Variants in MRAP observed in about 807,000 individuals in gnomAD.
MRAP encodes melanocortin 2 receptor accessory protein.
In MRAP, 8 loss-of-function variants were observed where a neutral mutation model predicts 8.7. The observed-to-expected ratio is 0.92, with a 90% CI of 0.54 to 1.66. The LOEUF (loss-of-function observed/expected upper bound fraction) is 1.66, where lower values mean the gene tolerates loss of function less well. Among genes scored for constraint, MRAP ranks in the 40% most tolerant of loss-of-function variants. MRAP has a pLI of 0.00. For synonymous variants in MRAP, 95 were observed against 95.5 expected, an observed-to-expected ratio of 1.00 and a Z score of 0.03; for missense variants, 237 against 217.1, an observed-to-expected ratio of 1.09 and a Z score of -0.58.
At position 32,312,177 on chromosome 21, in the gene MRAP, G is replaced by A. The variant is rs1601112595; in HGVS notation, c.*181G>A. 9 of 1,509,380 alleles carry A rather than the reference G, an allele frequency of 6.0e-6. No individual in the cohort carries two copies. The Admixed American group carries it at 1.6e-4, about 27-fold the overall frequency. The allele number at this position is 1,509,380 out of a possible 1,614,324, so 93.5% of individuals were successfully genotyped here. On this transcript the variant is annotated 3_prime_UTR_variant, in exon 3 of 3. Transcript: ENST00000303645. Reference sequence around the variant, plus strand: ...AGATTGCAGTGGCCCCTCGAGTGCAGAGGTCATCCCAGGTGTTGCTGAGTT... The same window carrying A: ...AGATTGCAGTGGCCCCTCGAGTGCAAAGGTCATCCCAGGTGTTGCTGAGTT...
chr21:32,304,730 A>C (rs2032365635), intron 1 of MRAP, among the ~76,000 whole-genome samples: 1 of 152,078 alleles, frequency 6.6e-6, no homozygotes, highest in Non-Finnish European at 1.5e-5. Flanking sequence ...TTCCCCAGGA[A>C]TCCAGAGGTG....
chr21:32,301,332 T>C (rs550359264), intron 1 of MRAP, among the ~76,000 whole-genome samples: 1 of 152,210 alleles, frequency 6.6e-6, no homozygotes, highest in African/African-American at 2.4e-5. Flanking sequence ...CACCATGCCC[T>C]TGGTGCTTTC....
chr21:32,297,137 A>T (rs758061017), upstream of MRAP, among the ~76,000 whole-genome samples: 35 of 152,174 alleles, frequency 2.3e-4, no homozygotes, highest in Non-Finnish European at 8.8e-5. Context: ...TAAAACTTGC[A>T]ATATCTGAGT....
upstream of MRAP, among the ~76,000 whole-genome samples, chr21:32,298,633 C>T (rs1272122747): frequency 1.5e-4 from 23 of 152,272 alleles, no homozygotes; most frequent in East Asian, 2.3e-3. Flanking sequence ...GGGCCCTGGG[C>T]GACTATTTCC....
chr21:32,303,669 T>C (rs1385606530), intron 1 of MRAP, among the ~76,000 whole-genome samples: 2 of 152,222 alleles, frequency 1.3e-5, no homozygotes, highest in African/African-American at 4.8e-5. Context: ...ACCACTTTCA[T>C]TGTCAACCCA....
At chr21:32,314,638 G>A (rs2032650853), downstream of MRAP, 4 of 1,614,048 alleles carry the variant, frequency 2.5e-6, no homozygotes, top group Non-Finnish European at 2.5e-6. Context: ...CCCCTAGAGA[G>A]GAAGGGGCGG....
At chr21:32,309,191 C>A (rs2032492225) in intron 2 of MRAP, among the ~76,000 whole-genome samples, 1 of 151,744 alleles carries the variant, frequency 6.6e-6, no homozygotes, top group African/African-American at 2.4e-5. Flanking sequence ...CTAATTCAGT[C>A]TAGAGAAAAA....
downstream of MRAP, chr21:32,314,154 TTTG>T (rs1323448339): frequency 5.2e-6 from 1 of 191,922 alleles, no homozygotes; most frequent in African/African-American, 2.4e-5. Context: ...ATACTAATAC[TTTG>T]TTATGACTTT....
chr21:32,304,953 G>GTTTTTTGTTTTTTTT (rs2032372919), intron 1 of MRAP, among the ~76,000 whole-genome samples: 1 of 113,828 alleles, frequency 8.8e-6, no homozygotes, highest in African/African-American at 3.7e-5. Flanking sequence ...AGGGGGATTT[G>GTTTTTTGTTTTTTTT]TTTTTTTTGT....
intron 1 of MRAP, among the ~76,000 whole-genome samples, chr21:32,301,044 A>G (rs2032285650): frequency 6.6e-6 from 1 of 151,112 alleles, no homozygotes. Context: ...CAAATATATC[A>G]TATGATATAT....
At chr21:32,298,308 C>A (rs2032178155), upstream of MRAP, among the ~76,000 whole-genome samples, 1 of 151,984 alleles carries the variant, frequency 6.6e-6, no homozygotes, top group Admixed American at 6.6e-5. Flanking sequence ...ACAAATGCAG[C>A]CGGCTGGTTG....
chr21:32,295,071 C>G (rs1433610074), upstream of MRAP, among the ~76,000 whole-genome samples: 1 of 151,404 alleles, frequency 6.6e-6, no homozygotes, highest in East Asian at 1.9e-4. Context: ...ATAGTGGTAT[C>G]ACTACTGGCA....
downstream of MRAP, chr21:32,314,529 C>G (rs746644407): frequency 6.2e-6 from 10 of 1,604,032 alleles, no homozygotes; most frequent in African/African-American, 5.4e-5. Flanking sequence ...TAAAAAAAAT[C>G]TGATACCTTT....
chr21:32,306,833 AC>A, intron 2 of MRAP, 94 bp downstream of exon 2: 1 of 980,266 alleles, frequency 1.0e-6, no homozygotes, highest in Non-Finnish European at 1.6e-6. Context: ...AATGCTGGAG[AC>A]CAGAAGTGTT....
intron 1 of MRAP, among the ~76,000 whole-genome samples, chr21:32,305,170 T>C (rs1427945263): frequency 1.3e-5 from 2 of 152,006 alleles, no homozygotes; most frequent in African/African-American, 4.8e-5. Flanking sequence ...GGGGTCTTGC[T>C]ATGTTGTCCA....
At chr21:32,297,799 C>T (rs1217653571), upstream of MRAP, among the ~76,000 whole-genome samples, 4 of 152,196 alleles carry the variant, frequency 2.6e-5, no homozygotes, top group East Asian at 7.7e-4. Flanking sequence ...TATTTTGCCC[C>T]TCACTTGGGA....
chr21:32,312,051 A>G lies in MRAP; in HGVS notation c.*55A>G. On this transcript the variant is annotated 3_prime_UTR_variant, in exon 3 of 3. Transcript: ENST00000303645. Reference sequence around the variant, plus strand: ...AACTGGTGAAATCAAGCCAACCTGGACACATACGTTCCTCGTTCTTCTTAG... The same window carrying G: ...AACTGGTGAAATCAAGCCAACCTGGGCACATACGTTCCTCGTTCTTCTTAG... The G allele has an allele frequency of 6.2e-7, 1 of 1,610,200 alleles. No homozygotes were observed. The highest frequency in any genetic ancestry group is 2.2e-5 in the East Asian group (1 of 44,874).
At chr21:32,292,321 A>T (rs2032063715) in intron 1 of MRAP, among the ~76,000 whole-genome samples, 1 of 152,250 alleles carries the variant, frequency 6.6e-6, no homozygotes, top group South Asian at 2.1e-4. Context: ...AGTGATGGTT[A>T]CATGTGAATT....
intron 1 of MRAP, 72 bp downstream of exon 1, chr21:32,299,149 C>G: frequency 8.6e-7 from 1 of 1,166,474 alleles, no homozygotes; most frequent in Non-Finnish European, 1.3e-6. Context: ...GCACTCCCGG[C>G]TTTCTCTGCA....
Sources: gnomAD v4.1 joint callset for allele counts (sites outside exome capture counted in the v4.1 genomes callset) on GRCh38, gnomAD v4.1.1 for gene constraint, MANE v1.5 for transcripts, NCBI Gene and HGNC (gene_info 2026-07-23, HGNC 2026-07-21) for gene names.